Variants in HIPK2 observed in about 807,000 individuals in gnomAD.
HIPK2 encodes homeodomain interacting protein kinase 2.
Under a neutral mutation model 113.7 loss-of-function variants are expected in HIPK2, and 27 were observed. The ratio of observed to expected loss-of-function variants is 0.24; its 90% CI spans 0.17 to 0.33. The LOEUF is 0.33. Ranked by LOEUF, HIPK2 falls within the 10% of genes least tolerant of loss-of-function variation. The pLI is 1.00. For missense variants in HIPK2, 1,257 were observed against 1,588.0 expected, an observed-to-expected ratio of 0.79 and a Z score of 3.54; for synonymous variants, 631 against 642.2, an observed-to-expected ratio of 0.98 and a Z score of 0.26.
chr7:139,599,196 T>C (rs1267467443), intron 11 of HIPK2, among the ~76,000 whole-genome samples: 2 of 152,192 alleles, frequency 1.3e-5, no homozygotes, highest in African/African-American at 4.8e-5. Context: ...AGCAATCCTG[T>C]AGTCACACGA....
intron 2 of HIPK2, among the ~76,000 whole-genome samples, chr7:139,703,702 A>C (rs1393062519): frequency 1.4e-5 from 2 of 145,974 alleles, no homozygotes; most frequent in East Asian, 2.1e-4. Context: ...CAACACATAC[A>C]CCCCTCCACA....
At chr7:139,648,150 T>C (rs971753188) in intron 2 of HIPK2, among the ~76,000 whole-genome samples, 2 of 152,250 alleles carry the variant, frequency 1.3e-5, no homozygotes, top group Admixed American at 6.5e-5. Flanking sequence ...CAGAACTGTC[T>C]AGTTCCTTTT....
At chr7:139,581,813 T>C (rs1453677863) in intron 13 of HIPK2, among the ~76,000 whole-genome samples, 1 of 152,248 alleles carries the variant, frequency 6.6e-6, no homozygotes, top group African/African-American at 2.4e-5. Context: ...GGAATGCCCC[T>C]GCTCGTGAGG....
intron 10 of HIPK2, among the ~76,000 whole-genome samples, chr7:139,602,950 C>T (rs1799487582): frequency 6.6e-6 from 1 of 152,086 alleles, no homozygotes; most frequent in African/African-American, 2.4e-5. Flanking sequence ...CTCAGCTCTA[C>T]ATGGTTTGAG....
At chr7:139,641,654 A>G (rs903871828) in intron 2 of HIPK2, among the ~76,000 whole-genome samples, 2 of 152,086 alleles carry the variant, frequency 1.3e-5, no homozygotes, top group South Asian at 2.1e-4. Context: ...CCCGGTGGGC[A>G]GAGTCAACCT....
At chr7:139,584,137 C>T in intron 12 of HIPK2, 73 bp from the exon 13 acceptor site, 2 of 1,526,676 alleles carry the variant, frequency 1.3e-6, no homozygotes, top group Non-Finnish European at 1.8e-6. Context: ...CACTTCATGC[C>T]CTGGGGCAGG....
chr7:139,669,000 G>A (rs1234974886), intron 2 of HIPK2, among the ~76,000 whole-genome samples: 1 of 152,240 alleles, frequency 6.6e-6, no homozygotes, highest in Non-Finnish European at 1.5e-5. Context: ...TTTAACCTGT[G>A]CCTTATATAA....
intron 2 of HIPK2, among the ~76,000 whole-genome samples, chr7:139,711,910 C>T (rs759547258): frequency 6.6e-6 from 1 of 152,218 alleles, no homozygotes; most frequent in East Asian, 1.9e-4. Flanking sequence ...TTAAGAAAAT[C>T]CCTCTGTCCT....
chr7:139,715,689 G>A, intron 2 of HIPK2, among the ~76,000 whole-genome samples: 1 of 152,220 alleles, frequency 6.6e-6, no homozygotes, highest in Non-Finnish European at 1.5e-5. Context: ...TGCACCCCAG[G>A]TCCCAGGGAG....
At chr7:139,580,252 A>C (rs1370400081) in intron 13 of HIPK2, among the ~76,000 whole-genome samples, 1 of 152,066 alleles carries the variant, frequency 6.6e-6, no homozygotes, top group Non-Finnish European at 1.5e-5. Flanking sequence ...TTTGAGGGAG[A>C]AACACTGAGC....
intron 1 of HIPK2, among the ~76,000 whole-genome samples, chr7:139,735,235 T>C (rs1478618674): frequency 6.6e-6 from 1 of 152,220 alleles, no homozygotes; most frequent in East Asian, 1.9e-4. Context: ...TTGCTTAAAT[T>C]CTGTGCTAAA....
At chr7:139,681,665 C>T (rs1473355353) in intron 2 of HIPK2, among the ~76,000 whole-genome samples, 1 of 152,160 alleles carries the variant, frequency 6.6e-6, no homozygotes, top group African/African-American at 2.4e-5. Flanking sequence ...GCTGTGGCTA[C>T]CACCAGAGAG....
chr7:139,595,576 A>G (rs965368972), intron 12 of HIPK2, among the ~76,000 whole-genome samples: 1 of 152,180 alleles, frequency 6.6e-6, no homozygotes, highest in African/African-American at 2.4e-5. Context: ...CTGAAATACA[A>G]TGACAATTAG....
At chr7:139,693,132 C>A (rs1342700242) in intron 2 of HIPK2, among the ~76,000 whole-genome samples, 1 of 152,208 alleles carries the variant, frequency 6.6e-6, no homozygotes, top group Non-Finnish European at 1.5e-5. Context: ...GGCTCTATCA[C>A]TTAGTGATTA....
intron 1 of HIPK2, among the ~76,000 whole-genome samples, chr7:139,762,341 A>AGG (rs1796479144): frequency 6.6e-6 from 1 of 152,248 alleles, no homozygotes; most frequent in African/African-American, 2.4e-5. Flanking sequence ...ACAAGAGCAA[A>AGG]GTCAATTTTT....
chr7:139,716,931 G>A lies in HIPK2; in HGVS notation c.104C>T (p.Pro35Leu), dbSNP rs755866095. 2.7e-5 allele frequency: 44 copies of A among 1,613,870 alleles called. No homozygotes were observed. Among genetic ancestry groups the A allele is most frequent in the Admixed American group, 1.0e-4 (6 of 60,004 alleles). Residue 35 changes from proline to leucine, a missense_variant, in exon 2 of 15, where the codon CCG (proline) becomes CTG (leucine). Pro to Leu is a moderately conservative substitution (Grantham distance 98). Transcript: ENST00000406875. The surrounding 1 kb of genome is among the most constrained non-coding windows in gnomAD (Gnocchi z 9.3). ...CCCAGTCATGTCCCAGTTGGAACTCGGCTCTATTTTCAGTTTCTTCACACT... is the reference window on the plus strand; with the variant it reads ...CCCAGTCATGTCCCAGTTGGAACTCAGCTCTATTTTCAGTTTCTTCACACT... ...FCSVKKLKIEPSSNWDMTGYG... is the reference protein window; with the variant it reads ...FCSVKKLKIELSSNWDMTGYG...
chr7:139,605,068 G>C (rs1799574292), intron 9 of HIPK2, among the ~76,000 whole-genome samples: 1 of 152,200 alleles, frequency 6.6e-6, no homozygotes, highest in Admixed American at 6.5e-5. Context: ...CTACATCTGA[G>C]AGCAAGCAAG....
At chr7:139,694,989 C>G (rs1187255824) in intron 2 of HIPK2, among the ~76,000 whole-genome samples, 1 of 152,100 alleles carries the variant, frequency 6.6e-6, no homozygotes. Context: ...CAGGCTCGCC[C>G]CCTATTATAT....
intron 1 of HIPK2, among the ~76,000 whole-genome samples, chr7:139,730,573 C>T (rs1399758178): frequency 6.6e-6 from 1 of 152,118 alleles, no homozygotes; most frequent in Non-Finnish European, 1.5e-5. Context: ...GTTGGCCAGG[C>T]TGGTCTCAAA....
Sources: gnomAD v4.1 joint callset for allele counts (sites outside exome capture counted in the v4.1 genomes callset) on GRCh38, gnomAD v4.1.1 for gene constraint, Gnocchi (gnomAD v3.1) non-coding constraint, MANE v1.5 for transcripts, NCBI Gene and HGNC (gene_info 2026-07-23, HGNC 2026-07-21) for gene names.